Variants in ZNF362 observed in about 807,000 individuals in gnomAD.
ZNF362 encodes rotund homolog.
Under a neutral mutation model 42.9 loss-of-function variants are expected in ZNF362, and 11 were observed. The observed-to-expected ratio is 0.26, with a 90% CI of 0.16 to 0.42. ZNF362 has a LOEUF of 0.42. ZNF362 is among the 20% of genes least tolerant of loss of function. ZNF362 has a pLI of 1.00. For synonymous variants in ZNF362, 255 were observed against 257.3 expected (o/e 0.99, Z 0.09); for missense variants, 362 against 576.2 (o/e 0.63, Z 3.81).
the ZNF362 span, among the ~76,000 whole-genome samples, chr1:33,192,846 G>C: frequency 6.6e-6 from 1 of 151,888 alleles, no homozygotes; most frequent in African/African-American, 2.4e-5. Context: ...GGAACTGAGT[G>C]AAGTGTATTC....
the ZNF362 span, among the ~76,000 whole-genome samples, chr1:33,227,360 C>G: frequency 4.6e-5 from 7 of 152,150 alleles, no homozygotes; most frequent in African/African-American, 1.4e-4. Context: ...GAGGCTAGGC[C>G]TTTGGGCATC....
the ZNF362 span, among the ~76,000 whole-genome samples, chr1:33,178,763 G>A: frequency 6.6e-6 from 1 of 152,228 alleles, no homozygotes; most frequent in East Asian, 1.9e-4. Flanking sequence ...CAGTGCACTA[G>A]AGAGTAAGCA....
At chr1:33,204,140 GA>G in the ZNF362 span, among the ~76,000 whole-genome samples, 1 of 151,926 alleles carries the variant, frequency 6.6e-6, no homozygotes, top group Non-Finnish European at 1.5e-5. Context: ...ATTTTGAGTT[GA>G]TTTTTTTCTG....
At chr1:33,136,676 G>A in the ZNF362 span, among the ~76,000 whole-genome samples, 2 of 151,700 alleles carry the variant, frequency 1.3e-5, no homozygotes, top group Non-Finnish European at 2.9e-5. Flanking sequence ...GGCCCCAGGG[G>A]CTGTTTCCGG....
the ZNF362 span, chr1:33,147,198 C>G: frequency 6.2e-7 from 1 of 1,613,708 alleles, no homozygotes; most frequent in South Asian, 1.1e-5. This position sits in a 1 kb window ranked among gnomAD's most constrained non-coding sequence, Gnocchi z 8.1. Context: ...CGGTGTTGAT[C>G]CGCAGCGGCT....
the ZNF362 span, among the ~76,000 whole-genome samples, chr1:33,215,416 G>A: frequency 6.6e-6 from 1 of 152,086 alleles, no homozygotes; most frequent in African/African-American, 2.4e-5. Context: ...TATATAGAAT[G>A]AATAATATCC....
the ZNF362 span, among the ~76,000 whole-genome samples, chr1:33,187,672 C>T: frequency 6.6e-6 from 1 of 152,136 alleles, no homozygotes; most frequent in Non-Finnish European, 1.5e-5. Context: ...TCATGAGGAT[C>T]CCAAAATTAC....
At chr1:33,202,523 G>A in the ZNF362 span, among the ~76,000 whole-genome samples, 5 of 151,990 alleles carry the variant, frequency 3.3e-5, no homozygotes, top group South Asian at 6.2e-4. Flanking sequence ...ACGTGAACCC[G>A]GGAGGCGGGG....
chr1:33,276,739 G>A, intron 4 of ZNF362, 145 bp downstream of exon 4: 1 of 1,073,550 alleles, frequency 9.3e-7, no homozygotes, highest in Non-Finnish European at 1.2e-6. Flanking sequence ...GCTTGGAGTG[G>A]CGGGGTTGGC....
intron 4 of ZNF362, among the ~76,000 whole-genome samples, chr1:33,278,603 T>C (rs1040148749): frequency 6.6e-6 from 1 of 152,254 alleles, no homozygotes; most frequent in African/African-American, 2.4e-5. Flanking sequence ...TCTCTTTCCC[T>C]AGAGAGAACC....
chr1:33,262,451 T>C (rs888715563), intron 1 of ZNF362, among the ~76,000 whole-genome samples: 6 of 151,730 alleles, frequency 4.0e-5, no homozygotes, highest in African/African-American at 7.3e-5. Flanking sequence ...GGACTACAGG[T>C]GCCCACCACC....
At chr1:33,256,340 G>A (rs1437864086), upstream of ZNF362, among the ~76,000 whole-genome samples, 1 of 144,142 alleles carries the variant, frequency 6.9e-6, no homozygotes, top group Non-Finnish European at 1.5e-5. Flanking sequence ...GGCCGGACGG[G>A]CTGCGCAGCC....
chr1:33,290,734 T>C (rs1424415662), intron 6 of ZNF362, among the ~76,000 whole-genome samples: 1 of 152,200 alleles, frequency 6.6e-6, no homozygotes, highest in East Asian at 1.9e-4. Context: ...TGTTGTTTCC[T>C]GACTTTTTAA....
At chr1:33,193,004 C>CACACACACACACACACACATATAT in the ZNF362 span, among the ~76,000 whole-genome samples, 3 of 137,202 alleles carry the variant, frequency 2.2e-5, no homozygotes, top group Non-Finnish European at 4.7e-5. Flanking sequence ...CACACACACA[C>CACACACACACACACACACATATAT]ATATATATAT....
chr1:33,173,925 C>A, the ZNF362 span, among the ~76,000 whole-genome samples: 1 of 151,960 alleles, frequency 6.6e-6, no homozygotes, highest in East Asian at 1.9e-4. Context: ...TCTCGAACTC[C>A]TAGCTTCTGG....
the ZNF362 span, among the ~76,000 whole-genome samples, chr1:33,202,683 C>T: frequency 6.6e-6 from 1 of 151,372 alleles, no homozygotes; most frequent in East Asian, 1.9e-4. Flanking sequence ...AAATCAATCA[C>T]TATAATTTAT....
the ZNF362 span, among the ~76,000 whole-genome samples, chr1:33,192,700 G>A: frequency 2.0e-5 from 3 of 152,104 alleles, no homozygotes; most frequent in Non-Finnish European, 1.5e-5. Flanking sequence ...GTTAAGAGTG[G>A]TTGCTAACAG....
the ZNF362 span, among the ~76,000 whole-genome samples, chr1:33,140,568 C>G: frequency 1.3e-5 from 2 of 152,178 alleles, no homozygotes; most frequent in African/African-American, 4.8e-5. The surrounding 1 kb of genome is among the most constrained non-coding windows in gnomAD (Gnocchi z 4.0). Context: ...ACATTCAAAC[C>G]ACCTGATATC....
At chr1:33,192,195 AC>A in the ZNF362 span, among the ~76,000 whole-genome samples, 1 of 152,200 alleles carries the variant, frequency 6.6e-6, no homozygotes. Flanking sequence ...CTTCAATGGT[AC>A]TTAACAACAA....
Sources: gnomAD v4.1 joint callset for allele counts (sites outside exome capture counted in the v4.1 genomes callset) on GRCh38, gnomAD v4.1.1 for gene constraint, Gnocchi (gnomAD v3.1) non-coding constraint, MANE v1.5 for transcripts, NCBI Gene and HGNC (gene_info 2026-07-23, HGNC 2026-07-21) for gene names.